The following CDH3 variants were observed in gnomAD, a reference collection of about 807,000 sequenced individuals.
CDH3 encodes cadherin 3, also known as cadherin-3.
CDH3 carries 54 observed loss-of-function variants against 82.0 expected under a neutral mutation model. The ratio of observed to expected loss-of-function variants is 0.66; its 90% CI spans 0.53 to 0.83. CDH3 has a LOEUF of 0.83. Ranked by LOEUF, CDH3 falls within the 40% of genes least tolerant of loss-of-function variation. The pLI, the probability that CDH3 is intolerant of heterozygous loss-of-function variation, is 0.00. For missense variants in CDH3, 1,054 were observed against 1,084.6 expected, an observed-to-expected ratio of 0.97 and a Z score of 0.40; for synonymous variants, 446 against 437.9, an observed-to-expected ratio of 1.02 and a Z score of -0.23.
At position 68,698,311 on chromosome 16, in the gene CDH3, G is replaced by A. The variant is rs201295043; in HGVS notation, c.2401G>A (p.Asp801Asn). 159 of 1,614,078 alleles carry A rather than the reference G, an allele frequency of 9.9e-5. No homozygotes were observed. Among genetic ancestry groups the A allele is most frequent in the Non-Finnish European group, 1.3e-4 (151 of 1,180,048 alleles). Residue 801 changes from aspartate to asparagine, a missense_variant, in exon 16 of 16, where the codon GAC becomes AAC. Asp to Asn is a conservative substitution (Grantham distance 23). Transcript: ENST00000264012. ...GAGCTCCCTCACCTCCTCCGCCTCC[G>A]ACCAAGACCAAGATTACGATTATCT... is the stretch of plus-strand genomic sequence containing the variant. ...SLSSLTSSASDQDQDYDYLNE... is the reference protein window; with the variant it reads ...SLSSLTSSASNQDQDYDYLNE...
chr16:68,681,665 C>G (rs1323008524), intron 8 of CDH3, among the ~76,000 whole-genome samples: 5 of 152,138 alleles, frequency 3.3e-5, no homozygotes, highest in Admixed American at 1.3e-4. Context: ...TGGCGAAACC[C>G]CGTCTCTACT....
intron 2 of CDH3, chr16:68,646,046 C>T (rs932608368): frequency 4.4e-5 from 20 of 450,970 alleles, no homozygotes; most frequent in Non-Finnish European, 4.4e-5. Flanking sequence ...GGGAAGTTCT[C>T]CCCCGCTGGC....
chr16:68,649,986 A>G (rs1960191478), intron 2 of CDH3, among the ~76,000 whole-genome samples: 1 of 151,968 alleles, frequency 6.6e-6, no homozygotes, highest in Non-Finnish European at 1.5e-5. Flanking sequence ...GCAAGCCAAG[A>G]TCACGCCACT....
intron 2 of CDH3, among the ~76,000 whole-genome samples, chr16:68,723,797 C>T (rs983375339): frequency 2.0e-5 from 3 of 152,250 alleles, no homozygotes; most frequent in Non-Finnish European, 2.9e-5. Context: ...AGGCCGGGCG[C>T]GGTGGCTCAC....
At chr16:68,649,185 A>T (rs1010322992) in intron 2 of CDH3, among the ~76,000 whole-genome samples, 1 of 152,116 alleles carries the variant, frequency 6.6e-6, no homozygotes, top group Admixed American at 6.5e-5. Context: ...AGGCAGCTTA[A>T]TGGCAGTCAA....
Position 68,684,589 on chromosome 16 carries a change from G to T in CDH3, c.1189G>T (p.Asp397Tyr). ...TCTTCCTCTTCTCTCCTAGGGTTTG[G>T]ATTTTGAGGCCAAAAACCAGCACAC... Reference protein sequence around the residue: ...QGILTTRKGLDFEAKNQHTLY... With the variant: ...QGILTTRKGLYFEAKNQHTLY... Residue 397 changes from aspartate (D) to tyrosine (Y), a missense_variant, in exon 10 of 16, where the codon GAT becomes TAT. Transcript: ENST00000264012. 1 of 1,614,138 alleles carries T rather than the reference G, an allele frequency of 6.2e-7. No individual in the cohort carries two copies. Among genetic ancestry groups the T allele is most frequent in the South Asian group, 1.1e-5 (1 of 91,064 alleles).
rs3114408 is a variant in CDH3 at position 68,697,903 on chromosome 16, T to C, written c.2281-288T>C. On this transcript the variant is annotated intron_variant, in intron 15 of 15. Transcript: ENST00000264012. ...TACAGACAAGGAAACAGGCATAGAGTGGTTAAGGGACTCGCCCAAGGCCAC... is the reference window on the plus strand; with the variant it reads ...TACAGACAAGGAAACAGGCATAGAGCGGTTAAGGGACTCGCCCAAGGCCAC... Among the ~76,000 whole-genome samples, 148,965 of 152,228 alleles carry C rather than the reference T, an allele frequency of 0.98. 72,899 individuals are homozygous for C. Among genetic ancestry groups the C allele is most frequent in the East Asian group, 1 (5,170 of 5,170 alleles).
At chr16:68,667,055 C>T (rs1166800464) in intron 2 of CDH3, among the ~76,000 whole-genome samples, 2 of 152,136 alleles carry the variant, frequency 1.3e-5, no homozygotes, top group Non-Finnish European at 2.9e-5. Context: ...TATTCCCCCA[C>T]CCCTAGCAAT....
intron 2 of CDH3, chr16:68,651,054 A>AG: frequency 2.3e-6 from 1 of 429,820 alleles, no homozygotes; most frequent in African/African-American, 2.1e-5. Flanking sequence ...CCTGGTAGTA[A>AG]GGGGGATATT....
chr16:68,728,367 G>A (rs924660592), downstream of CDH3, among the ~76,000 whole-genome samples: 12 of 151,714 alleles, frequency 7.9e-5, no homozygotes, highest in East Asian at 1.9e-4. Flanking sequence ...GGGTTTCACC[G>A]TGTTAGCCAG....
intron 13 of CDH3, among the ~76,000 whole-genome samples, chr16:68,692,659 T>A (rs886945731): frequency 5.3e-5 from 8 of 152,220 alleles, no homozygotes; most frequent in Non-Finnish European, 8.8e-5. Flanking sequence ...GTCTGCAAAT[T>A]ACTGGTCTAG....
In CDH3 at chr16:68,678,553, C is replaced by T. The variant is rs752739867; in HGVS notation, c.443C>T (p.Pro148Leu). 1.5e-5 allele frequency: 24 copies of T among 1,613,264 alleles called. No homozygotes were observed. Among genetic ancestry groups the T allele is most frequent in the South Asian group, 7.7e-5 (7 of 91,044 alleles). The change falls in exon 5 of 16, where the codon CCG (proline) becomes CTG (leucine). Residue 148 changes from proline to leucine, a missense_variant. By Grantham distance (98) the Pro-to-Leu change is moderately conservative. Transcript: ENST00000264012. ...AAGATTTTCTACAGCATCACGGGGCCGGGGGCAGACAGCCCCCCTGAGGGT... is the reference window on the plus strand; with the variant it reads ...AAGATTTTCTACAGCATCACGGGGCTGGGGGCAGACAGCCCCCCTGAGGGT... ...DTKIFYSITG[P>L]GADSPPEGVF...
downstream of CDH3, among the ~76,000 whole-genome samples, chr16:68,703,504 C>T (rs531822209): frequency 2.0e-4 from 30 of 152,332 alleles, no homozygotes; most frequent in South Asian, 2.5e-3. Context: ...CTCCAGGGAA[C>T]GACTCCCTCC....
chr16:68,716,015 T>C (rs1363303986), intron 1 of CDH3, among the ~76,000 whole-genome samples: 1 of 152,186 alleles, frequency 6.6e-6, no homozygotes, highest in Admixed American at 6.6e-5. Context: ...ATGCCTGTAA[T>C]CCCAACACTT....
rs1231125894 is a variant in CDH3, at chr16:68,645,819, G to C, written c.160+69G>C. 1.6e-5 allele frequency: 19 copies of C among 1,208,956 alleles called. 1 individual carries two copies. Among genetic ancestry groups the C allele is most frequent in the Non-Finnish European group, 2.2e-5 (19 of 857,278 alleles). The allele number at this position is 1,208,956 out of a possible 1,614,324, so 74.9% of individuals were successfully genotyped here. ...ACCATTTTGGTGTGGACCGCGCGAG[G>C]GGTGTTCGGGCCGGGGCAAGGGACT... On this transcript the variant is annotated intron_variant, in intron 2 of 15. Transcript: ENST00000264012.
rs952095453 is a variant in CDH3 at position 68,678,767 on chromosome 16, T to C, written c.552T>C (p.Phe184=). 5 of 1,614,186 alleles carry C rather than the reference T, an allele frequency of 3.1e-6. No homozygotes were observed. In the South Asian group the frequency reaches 5.5e-5, roughly 18 times the overall value. ...DREEIAKYEL[F]GHAVSENGAS... ...CAGAGCTGTGTACCCCACAGCTCTTTGGCCACGCTGTGTCAGAGAATGGTG... is the reference window on the plus strand; with the variant it reads ...CAGAGCTGTGTACCCCACAGCTCTTCGGCCACGCTGTGTCAGAGAATGGTG... Residue 184 remains phenylalanine, a synonymous_variant, in exon 6 of 16, where the codon TTT becomes TTC. Coordinates refer to ENST00000264012, the MANE Select transcript of CDH3 (RefSeq NM_001793.6).
At chr16:68,709,646 A>G (rs2152109811) in intron 1 of CDH3, among the ~76,000 whole-genome samples, 1 of 152,110 alleles carries the variant, frequency 6.6e-6, no homozygotes, top group African/African-American at 2.4e-5. Context: ...TTTAGTGGAG[A>G]CAAGGTTTCG....
chr16:68,681,232 A>C, intron 8 of CDH3, 136 bp downstream of exon 8: 1 of 882,050 alleles, frequency 1.1e-6, no homozygotes, highest in South Asian at 1.4e-5. Context: ...TAGGAAAACT[A>C]CCTAACCTCT....
At chr16:68,674,718 G>T (rs1317880659) in intron 2 of CDH3, among the ~76,000 whole-genome samples, 1 of 152,112 alleles carries the variant, frequency 6.6e-6, no homozygotes, top group Non-Finnish European at 1.5e-5. Flanking sequence ...CTAAGTGACA[G>T]AGTGATACCC....
Sources: gnomAD v4.1 joint callset for allele counts (sites outside exome capture counted in the v4.1 genomes callset) on GRCh38, gnomAD v4.1.1 for gene constraint, MANE v1.5 for transcripts, NCBI Gene and HGNC (gene_info 2026-07-23, HGNC 2026-07-21) for gene names.